The following RUSC2 variants were observed in gnomAD, a reference collection of about 807,000 sequenced individuals.
The protein encoded by RUSC2 is RUN and SH3 domain containing 2, also known as AP-4 complex accessory subunit RUSC2.
RUSC2 carries 34 observed loss-of-function variants against 122.2 expected under a neutral mutation model. That is an observed-to-expected ratio of 0.28 (90% CI 0.21 to 0.37). RUSC2 has a LOEUF of 0.37. RUSC2 is among the 10% of genes least tolerant of loss of function. The probability of loss-of-function intolerance (pLI) is 1.00; values close to 1 mark genes in which losing one functional copy is unlikely to be tolerated. For synonymous variants in RUSC2, 784 were observed against 790.0 expected (o/e 0.99, Z 0.13); for missense variants, 1,747 against 1,952.4 (o/e 0.89, Z 1.98).
At chr9:35,496,303 A>T (rs1444667629) in intron 1 of RUSC2, among the ~76,000 whole-genome samples, 1 of 152,166 alleles carries the variant, frequency 6.6e-6, no homozygotes, top group East Asian at 1.9e-4. Context: ...CTCGACTTAA[A>T]ATTAAGTCAG....
At position 35,557,428 on chromosome 9, in the gene RUSC2, G is replaced by A. The variant is rs763035419; in HGVS notation, c.2984-486G>A. Reference sequence around the variant, plus strand: ...GAAGTTAAAGGAGTTTATAACTAGGGAACTCTGTTCTCTGAAGCAGAACCA... The same window carrying A: ...GAAGTTAAAGGAGTTTATAACTAGGAAACTCTGTTCTCTGAAGCAGAACCA... On this transcript the variant is annotated intron_variant, in intron 5 of 11. Coordinates refer to ENST00000361226, the MANE Select transcript of RUSC2 (RefSeq NM_014806.5). The surrounding 1 kb of genome is among the most constrained non-coding windows in gnomAD (Gnocchi z 4.6). Among the ~76,000 whole-genome samples the A allele has an allele frequency of 6.6e-6, 1 of 152,108 alleles. No individual in the cohort carries two copies. The highest frequency in any genetic ancestry group is 1.5e-5 in the Non-Finnish European group (1 of 68,022).
In RUSC2 at chr9:35,555,059, G is replaced by C. The variant is rs1563872937; in HGVS notation, c.2015-1G>C. On this transcript the variant is annotated splice_acceptor_variant, in intron 2 of 11. Transcript: ENST00000361226. LOFTEE classifies it high-confidence loss of function. The surrounding 1 kb of genome is among the most constrained non-coding windows in gnomAD (Gnocchi z 4.6). ...ATTTCTTCTCCATCCCTTTGCTACA[G>C]GGGGTGGCACCGAGAGCCGACCAGT... The C allele has an allele frequency of 6.2e-7, 1 of 1,610,822 alleles. No homozygotes were observed. Among genetic ancestry groups the C allele is most frequent in the Non-Finnish European group, 8.5e-7 (1 of 1,179,942 alleles).
At chr9:35,490,554 C>A (rs1321441536) in intron 1 of RUSC2, among the ~76,000 whole-genome samples, 2 of 152,198 alleles carry the variant, frequency 1.3e-5, no homozygotes, top group African/African-American at 4.8e-5. Flanking sequence ...TACCCCAAGT[C>A]CCTGTGACGG....
chr9:35,536,238 T>A (rs1244153738), intron 1 of RUSC2, among the ~76,000 whole-genome samples: 1 of 152,234 alleles, frequency 6.6e-6, no homozygotes, highest in Admixed American at 6.5e-5. Context: ...AAGTTGGCAA[T>A]CCAATATTGA....
intron 1 of RUSC2, among the ~76,000 whole-genome samples, chr9:35,499,264 G>A (rs1820776967): frequency 6.6e-6 from 1 of 152,214 alleles, no homozygotes; most frequent in Admixed American, 6.5e-5. Flanking sequence ...TCCAGCCTGG[G>A]CGACAGAGTG....
intron 2 of RUSC2, among the ~76,000 whole-genome samples, chr9:35,551,413 C>T (rs934099452): frequency 6.6e-6 from 1 of 152,014 alleles, no homozygotes; most frequent in African/African-American, 2.4e-5. Flanking sequence ...CACTGAAGAG[C>T]TGTCCTTGGG....
At chr9:35,544,332 A>ACTCT (rs1491516471) in intron 1 of RUSC2, among the ~76,000 whole-genome samples, 1 of 129,766 alleles carries the variant, frequency 7.7e-6, no homozygotes, top group Non-Finnish European at 1.6e-5. Flanking sequence ...TTTTTGAGAC[A>ACTCT]GAGTCTCACT....
At chr9:35,539,871 T>C (rs1821608721) in intron 1 of RUSC2, among the ~76,000 whole-genome samples, 1 of 152,178 alleles carries the variant, frequency 6.6e-6, no homozygotes, top group African/African-American at 2.4e-5. Context: ...TTATCAGTCC[T>C]ACAGAGGCAC....
chr9:35,492,634 A>C (rs1820589402), intron 1 of RUSC2, among the ~76,000 whole-genome samples: 1 of 151,946 alleles, frequency 6.6e-6, no homozygotes, highest in Non-Finnish European at 1.5e-5. Flanking sequence ...AAAATAACTC[A>C]GCAGAACCTG....
rs539183255 is a variant in RUSC2, at chr9:35,493,801, C to T, written c.-93+3629C>T. Among the ~76,000 whole-genome samples the T allele has an allele frequency of 1.9e-3, 288 of 152,238 alleles. 1 individual carries two copies. The highest frequency in any genetic ancestry group is 6.6e-3 in the African/African-American group (276 of 41,538). On this transcript the variant is annotated intron_variant, in intron 1 of 11. Coordinates refer to ENST00000361226, the MANE Select transcript of RUSC2 (RefSeq NM_014806.5). ...TACAGGTGTGAGCCACTGCACCTGG[C>T]CAGAATTTCACTCCTTTTAAAGGCT... is the stretch of plus-strand genomic sequence containing the variant.
intron 2 of RUSC2, among the ~76,000 whole-genome samples, chr9:35,554,771 G>C (rs1821971933): frequency 6.6e-6 from 1 of 152,140 alleles, no homozygotes; most frequent in African/African-American, 2.4e-5. Flanking sequence ...GAAATAAAGT[G>C]TAAGGTGAGA....
At chr9:35,556,520 C>G (rs17371669) in intron 5 of RUSC2, 72 bp downstream of exon 5, 21,293 of 614,738 alleles carry the variant, frequency 0.035, 205 homozygotes, top group Middle Eastern at 0.056. Flanking sequence ...TACTACCTAG[C>G]CAGTCTGAAA....
chr9:35,523,324 T>C (rs903403477), intron 1 of RUSC2, among the ~76,000 whole-genome samples: 16 of 152,366 alleles, frequency 1.1e-4, no homozygotes, highest in Non-Finnish European at 2.2e-4. Context: ...TTAATTGTAA[T>C]GTACTCAATG....
intron 1 of RUSC2, among the ~76,000 whole-genome samples, chr9:35,528,019 T>C (rs1216252234): frequency 1.3e-5 from 2 of 152,212 alleles, no homozygotes; most frequent in African/African-American, 2.4e-5. Context: ...CATGAATTTT[T>C]CCCTTTTTGG....
chr9:35,515,999 C>CAAAAAAAAAAAAAAAAAAAAAAA (rs544797957), intron 1 of RUSC2, among the ~76,000 whole-genome samples: 5 of 47,198 alleles, frequency 1.1e-4, no homozygotes, highest in Non-Finnish European at 1.8e-4. Context: ...ATTCTTGTCT[C>CAAAAAAAAAAAAAAAAAAAAAAA]AAAAAAAAAA....
rs1403215912 is a variant in RUSC2 at position 35,560,072 on chromosome 9, A to T, written c.3432A>T (p.Ala1144=). ...THYQPWGFLS[A]AHTVCPGLFE... ...ACCAGCCCTGGGGCTTCCTGAGTGC[A>T]GCTCATACCGTGTGTCCCGGCCTCT... Residue 1144 remains alanine (A), a synonymous_variant, in exon 10 of 12, where the codon GCA becomes GCT. Coordinates refer to ENST00000361226, the MANE Select transcript of RUSC2 (RefSeq NM_014806.5). 1.9e-6 allele frequency: 3 copies of T among 1,612,594 alleles called. No individual in the cohort carries two copies. The Admixed American group carries it at 5.0e-5, about 27-fold the overall frequency.
At chr9:35,510,608 A>G (rs866691090) in intron 1 of RUSC2, among the ~76,000 whole-genome samples, 7 of 152,292 alleles carry the variant, frequency 4.6e-5, no homozygotes, top group Middle Eastern at 3.4e-3. Context: ...CACACACTAC[A>G]GTGTCTGGCA....
intron 1 of RUSC2, among the ~76,000 whole-genome samples, chr9:35,528,850 C>A (rs568715774): frequency 5.2e-4 from 79 of 152,078 alleles, no homozygotes; most frequent in African/African-American, 1.7e-3. Flanking sequence ...GTTGGGGAGA[C>A]CAAAGTGGGA....
At chr9:35,538,498 G>A (rs1459149846) in intron 1 of RUSC2, 1 of 152,286 alleles carries the variant, frequency 6.6e-6, no homozygotes, top group Non-Finnish European at 1.5e-5. Context: ...CTGGAATCCT[G>A]GTTAGAGGAA....
Sources: allele counts gnomAD v4.1 joint callset (sites outside exome capture counted in the v4.1 genomes callset), GRCh38; gene constraint gnomAD v4.1.1; non-coding constraint Gnocchi (gnomAD v3.1); transcripts MANE v1.5; gene names NCBI Gene and HGNC (gene_info 2026-07-23, HGNC 2026-07-21).